The following CACNA2D3 variants were observed in gnomAD, a reference collection of about 807,000 sequenced individuals.
The protein encoded by CACNA2D3 is voltage-dependent calcium channel subunit alpha-2/delta-3.
A neutral mutation model predicts 160.6 loss-of-function variants in CACNA2D3; 60 were observed. The observed-to-expected ratio is 0.37, with a 90% CI of 0.30 to 0.46. The LOEUF (loss-of-function observed/expected upper bound fraction) is 0.46. Among genes scored for constraint, CACNA2D3 ranks in the 20% least tolerant of loss-of-function variants. The pLI is 1.00. For missense variants in CACNA2D3, 1,205 were observed against 1,365.0 expected (o/e 0.88, Z 1.85); for synonymous variants, 558 against 492.9 (o/e 1.13, Z -1.75).
intron 29 of CACNA2D3, among the ~76,000 whole-genome samples, chr3:54,973,073 T>G (rs1702311930): frequency 6.6e-6 from 1 of 152,182 alleles, no homozygotes. Context: ...CAGCGAAGGC[T>G]TCTCTGAGGG....
chr3:54,524,923 T>C (rs1188671729), intron 5 of CACNA2D3, among the ~76,000 whole-genome samples: 2 of 152,282 alleles, frequency 1.3e-5, no homozygotes, highest in African/African-American at 2.4e-5. Context: ...AACATGTACT[T>C]GGTGCATTTT....
At chr3:54,999,670 G>A (rs1191485269) in intron 31 of CACNA2D3, among the ~76,000 whole-genome samples, 3 of 152,136 alleles carry the variant, frequency 2.0e-5, no homozygotes, top group Admixed American at 1.3e-4. Flanking sequence ...TACATAGTAG[G>A]TGTTTAATAA....
chr3:54,457,290 A>G (rs1575465398), intron 4 of CACNA2D3, among the ~76,000 whole-genome samples: 1 of 151,868 alleles, frequency 6.6e-6, no homozygotes, highest in Admixed American at 6.6e-5. Flanking sequence ...AAATTTTTCA[A>G]TCTCTTTCTT....
chr3:54,821,697 TTTCC>T (rs71096452), intron 14 of CACNA2D3, among the ~76,000 whole-genome samples: 2 of 84,142 alleles, frequency 2.4e-5, no homozygotes, highest in African/African-American at 1.0e-4. Context: ...TCTTTCTTTC[TTTCC>T]TTCCTTCCTT....
intron 2 of CACNA2D3, among the ~76,000 whole-genome samples, chr3:54,313,711 T>C (rs962254404): frequency 6.6e-6 from 1 of 151,960 alleles, no homozygotes; most frequent in African/African-American, 2.4e-5. Context: ...CTGCTCTCTC[T>C]TCCTGGCATC....
chr3:54,648,205 C>T (rs1321209429), intron 11 of CACNA2D3, among the ~76,000 whole-genome samples: 1 of 152,180 alleles, frequency 6.6e-6, no homozygotes, highest in African/African-American at 2.4e-5. Flanking sequence ...CCTGCTTTTG[C>T]AGCTTATGAG....
rs180765223 is a variant in CACNA2D3 at position 54,833,921 on chromosome 3, A to G, written c.1399-3238A>G. Among the ~76,000 whole-genome samples, 446 of 152,250 alleles carry G rather than the reference A, an allele frequency of 2.9e-3. 1 individual carries two copies. The highest frequency in any genetic ancestry group is 5.5e-3 in the Admixed American group (84 of 15,304). ...TTGGGGCCAGAACTGCCCCTAGGAGAGGTCCATGAGATCATTGGCCCACAT... is the reference window on the plus strand; with the variant it reads ...TTGGGGCCAGAACTGCCCCTAGGAGGGGTCCATGAGATCATTGGCCCACAT... On this transcript the variant is annotated intron_variant, in intron 14 of 37. Transcript: ENST00000474759.
intron 27 of CACNA2D3, among the ~76,000 whole-genome samples, chr3:54,926,363 G>A (rs914678104): frequency 5.9e-5 from 9 of 152,086 alleles, no homozygotes; most frequent in Non-Finnish European, 8.8e-5. Context: ...TTCACACAGA[G>A]TATTATAGTA....
chr3:54,765,812 A>G (rs569532178), intron 13 of CACNA2D3, among the ~76,000 whole-genome samples: 89 of 152,330 alleles, frequency 5.8e-4, no homozygotes, highest in African/African-American at 2.0e-3. Context: ...CAAAAAATCA[A>G]CTACATATGG....
intron 11 of CACNA2D3, among the ~76,000 whole-genome samples, chr3:54,700,043 C>A (rs531464871): frequency 5.3e-5 from 8 of 152,166 alleles, no homozygotes; most frequent in African/African-American, 1.9e-4. Flanking sequence ...CCTTAGGGAG[C>A]AGAATCCACT....
chr3:54,196,757 A>G (rs1701087887), intron 2 of CACNA2D3, among the ~76,000 whole-genome samples: 1 of 152,232 alleles, frequency 6.6e-6, no homozygotes, highest in Non-Finnish European at 1.5e-5. Flanking sequence ...ATGTCTTTGG[A>G]GATGGCAATT....
intron 4 of CACNA2D3, among the ~76,000 whole-genome samples, chr3:54,445,842 T>G (rs72973150): frequency 0.031 from 4,776 of 152,248 alleles, 219 homozygotes; most frequent in African/African-American, 0.099. Flanking sequence ...CACTCCCTTG[T>G]TCTAGGAGGG....
chr3:54,628,576 A>G lies in CACNA2D3; in HGVS notation c.1053+700A>G, dbSNP rs150146791. Among the ~76,000 whole-genome samples, 880 of 152,316 alleles carry G rather than the reference A, an allele frequency of 5.8e-3. 7 individuals are homozygous for G. Among genetic ancestry groups the G allele is most frequent in the Non-Finnish European group, 7.7e-3 (521 of 68,018 alleles). ...AAGCAACCCTAGGAGGGCAAGGACA[A>G]TAACAGGGAGGCCATTAAGTTATCT... On this transcript the variant is annotated intron_variant, in intron 10 of 37. Transcript: ENST00000474759.
At chr3:54,136,678 T>C (rs1000049074) in intron 2 of CACNA2D3, among the ~76,000 whole-genome samples, 22 of 152,344 alleles carry the variant, frequency 1.4e-4, no homozygotes, top group Admixed American at 1.2e-3. Context: ...GCCATTGCCC[T>C]GTTTATACTG....
At chr3:55,073,007 G>C (rs568526293) in intron 35 of CACNA2D3, among the ~76,000 whole-genome samples, 196 of 152,306 alleles carry the variant, frequency 1.3e-3, no homozygotes, top group African/African-American at 4.4e-3. Flanking sequence ...TTTTGCCATT[G>C]GTATGACATA....
chr3:54,534,357 C>T (rs2106647557), intron 5 of CACNA2D3, among the ~76,000 whole-genome samples: 1 of 152,194 alleles, frequency 6.6e-6, no homozygotes, highest in Middle Eastern at 3.4e-3. Flanking sequence ...TGCATCACAT[C>T]TCCACTCACA....
At chr3:54,523,399 G>T (rs147599067) in intron 5 of CACNA2D3, among the ~76,000 whole-genome samples, 7 of 152,130 alleles carry the variant, frequency 4.6e-5, no homozygotes, top group East Asian at 1.9e-4. Flanking sequence ...AATCTCATTT[G>T]GTTATGGTAT....
intron 4 of CACNA2D3, among the ~76,000 whole-genome samples, chr3:54,497,243 ATCTC>A (rs1206484335): frequency 6.6e-6 from 1 of 150,906 alleles, no homozygotes; most frequent in Non-Finnish European, 1.5e-5. Flanking sequence ...TGAGCAAGCT[ATCTC>A]TCTCCATTTA....
At position 54,385,902 on chromosome 3, in the gene CACNA2D3, A is replaced by G. The variant is rs147656930; in HGVS notation, c.322-813A>G. On this transcript the variant is annotated intron_variant, in intron 3 of 37. Transcript: ENST00000474759. ...TTTGCTTTTAGTTTGATATAATTTC[A>G]GTGAAATATTATTTCACCAAATGAG... 2.5e-3 allele frequency: 1,253 copies of G among 504,692 alleles called. 11 individuals carry two copies. Among genetic ancestry groups the G allele is most frequent in the African/African-American group, 0.023 (1,161 of 51,584 alleles). 31.3% of individuals were successfully genotyped at this position (504,692 alleles called of 1,614,324 possible). A position where few individuals can be genotyped will look rare whatever the true frequency, so the allele number is the denominator to read the frequency against.
Sources: gnomAD v4.1 joint callset for allele counts (sites outside exome capture counted in the v4.1 genomes callset) on GRCh38, gnomAD v4.1.1 for gene constraint, MANE v1.5 for transcripts, NCBI Gene and HGNC (gene_info 2026-07-23, HGNC 2026-07-21) for gene names.